HEMK2: variants seen among roughly 807,000 people sequenced by gnomAD.
HEMK2 encodes the protein methyltransferase HEMK2.
chr21:28,805,333 A>T, the HEMK2 span, among the ~76,000 whole-genome samples: 1 of 152,212 alleles, frequency 6.6e-6, no homozygotes. Flanking sequence ...CATAAAATCC[A>T]GCACTGTATA....
At chr21:28,879,800 T>G in the HEMK2 span, 1 of 1,174,470 alleles carries the variant, frequency 8.5e-7, no homozygotes, top group East Asian at 2.7e-5. Context: ...TGTCATAGGA[T>G]GACATTCATT....
chr21:28,761,283 ATG>A, the HEMK2 span, among the ~76,000 whole-genome samples: 1 of 152,132 alleles, frequency 6.6e-6, no homozygotes, highest in African/African-American at 2.4e-5. Context: ...ATATATATGC[ATG>A]TGTTTATTTC....
chr21:28,818,654 T>C, the HEMK2 span, among the ~76,000 whole-genome samples: 1 of 152,028 alleles, frequency 6.6e-6, no homozygotes, highest in Non-Finnish European at 1.5e-5. Flanking sequence ...CAGGGAGGAG[T>C]TGGCCTGATG....
chr21:28,647,089 A>T, the HEMK2 span, among the ~76,000 whole-genome samples: 8 of 152,148 alleles, frequency 5.3e-5, no homozygotes, highest in Non-Finnish European at 7.4e-5. Flanking sequence ...AATATGGTAC[A>T]GAGATTGTTT....
chr21:28,588,149 A>T, the HEMK2 span, among the ~76,000 whole-genome samples: 852 of 152,356 alleles, frequency 5.6e-3, 8 homozygotes, highest in Middle Eastern at 0.024. Context: ...TTATGTGGCA[A>T]ATAAAATTCA....
the HEMK2 span, chr21:28,874,393 C>G: frequency 2.0e-5 from 3 of 152,254 alleles, no homozygotes; most frequent in Non-Finnish European, 4.4e-5. Context: ...ATGTAATGAA[C>G]CTGCCACTAG....
At chr21:28,878,695 T>C in the HEMK2 span, among the ~76,000 whole-genome samples, 2 of 151,812 alleles carry the variant, frequency 1.3e-5, no homozygotes, top group Admixed American at 1.3e-4. Flanking sequence ...AACATTGCCC[T>C]GCGTATATCA....
At chr21:28,841,565 G>A in the HEMK2 span, among the ~76,000 whole-genome samples, 100 of 144,608 alleles carry the variant, frequency 6.9e-4, no homozygotes, top group Non-Finnish European at 1.1e-3. Context: ...AGTAACTCAG[G>A]AATTGAAAAT....
the HEMK2 span, among the ~76,000 whole-genome samples, chr21:28,767,052 G>A: frequency 6.6e-6 from 1 of 152,020 alleles, no homozygotes; most frequent in South Asian, 2.1e-4. Flanking sequence ...ATTGAGTCAT[G>A]GGGCCAGGTC....
At chr21:28,719,788 C>T in the HEMK2 span, among the ~76,000 whole-genome samples, 5 of 152,168 alleles carry the variant, frequency 3.3e-5, no homozygotes, top group East Asian at 3.9e-4. Context: ...CAAGTGTTGA[C>T]GAAAAGCAAC....
the HEMK2 span, among the ~76,000 whole-genome samples, chr21:28,600,282 T>C: frequency 2.0e-5 from 3 of 152,262 alleles, no homozygotes; most frequent in African/African-American, 7.2e-5. Context: ...TCCTCTGAAA[T>C]CTAGGCAGAG....
At chr21:28,739,715 C>T in the HEMK2 span, among the ~76,000 whole-genome samples, 4 of 152,210 alleles carry the variant, frequency 2.6e-5, no homozygotes, top group African/African-American at 9.7e-5. Context: ...TTTAAATTAA[C>T]TAAAATTCAA....
chr21:28,580,162 T>C, the HEMK2 span, among the ~76,000 whole-genome samples: 2 of 152,182 alleles, frequency 1.3e-5, no homozygotes, highest in Non-Finnish European at 2.9e-5. Context: ...GTAACTGAGC[T>C]GGTGGGAAGC....
chr21:28,650,595 G>C, the HEMK2 span, among the ~76,000 whole-genome samples: 7 of 152,136 alleles, frequency 4.6e-5, no homozygotes, highest in African/African-American at 1.7e-4. Context: ...TGGGGGAATG[G>C]AAGTACCTAT....
the HEMK2 span, among the ~76,000 whole-genome samples, chr21:28,657,934 G>C: frequency 6.6e-6 from 1 of 152,000 alleles, no homozygotes; most frequent in Non-Finnish European, 1.5e-5. Context: ...AAAATGCAAA[G>C]GAATAAAATT....
the HEMK2 span, among the ~76,000 whole-genome samples, chr21:28,595,440 T>C: frequency 6.6e-6 from 1 of 152,202 alleles, no homozygotes; most frequent in African/African-American, 2.4e-5. Flanking sequence ...GATGGTTGTC[T>C]TTCTGTGCCT....
chr21:28,717,480 CTTTTT>C, the HEMK2 span, among the ~76,000 whole-genome samples: 679 of 117,298 alleles, frequency 5.8e-3, 11 homozygotes, highest in African/African-American at 0.022. Flanking sequence ...TCATTTTAGT[CTTTTT>C]TTTTTTTTTT....
the HEMK2 span, among the ~76,000 whole-genome samples, chr21:28,823,288 C>G: frequency 6.6e-6 from 1 of 152,162 alleles, no homozygotes; most frequent in Non-Finnish European, 1.5e-5. Flanking sequence ...GATTTTTCAA[C>G]AGGAAAGCTC....
At chr21:28,832,423 A>C in the HEMK2 span, among the ~76,000 whole-genome samples, 6 of 152,342 alleles carry the variant, frequency 3.9e-5, no homozygotes, top group East Asian at 9.6e-4. Flanking sequence ...ATTGATGTAA[A>C]TAATTAGTAA....
Sources: allele counts gnomAD v4.1 joint callset (sites outside exome capture counted in the v4.1 genomes callset), GRCh38; gene constraint gnomAD v4.1.1; transcripts MANE v1.5; gene names NCBI Gene and HGNC (gene_info 2026-07-23, HGNC 2026-07-21).